The following FAIM2 variants were observed in gnomAD, a reference collection of about 807,000 sequenced individuals.
FAIM2 encodes Fas apoptotic inhibitory molecule 2, also known as protein lifeguard 2.
Under a neutral mutation model 47.4 loss-of-function variants are expected in FAIM2, and 27 were observed. The observed-to-expected ratio is 0.57, with a 90% CI of 0.42 to 0.78. The LOEUF (loss-of-function observed/expected upper bound fraction) is 0.78, where lower values mean the gene tolerates loss of function less well. FAIM2 is among the 30% of genes least tolerant of loss of function. The pLI is 0.00. For missense variants in FAIM2, 311 were observed against 389.4 expected, an observed-to-expected ratio of 0.80 and a Z score of 1.69; for synonymous variants, 156 against 159.3, an observed-to-expected ratio of 0.98 and a Z score of 0.16.
chr12:49,868,748 C>T lies in FAIM2; in HGVS notation c.*1756G>A, dbSNP rs1465039182. 2.0e-5 allele frequency: 3 copies of T among 152,224 alleles called. No homozygotes were observed. Among genetic ancestry groups the T allele is most frequent in the South Asian group, 2.1e-4 (1 of 4,830 alleles). 9.4% of individuals were successfully genotyped at this position (152,224 alleles called of 1,614,324 possible). On this transcript the variant is annotated 3_prime_UTR_variant, in exon 12 of 12. Coordinates refer to ENST00000320634, the MANE Select transcript of FAIM2 (RefSeq NM_012306.4). The stretch of plus-strand genomic sequence containing the variant: ...CCCTCTGCTACGGACATGAGCAGAG[C>T]GCTGTCTCTGGAGGATCACTGCGAT...
rs374845263 is a variant in FAIM2, at chr12:49,889,198, T to C, written c.656A>G (p.Asp219Gly). The C allele has an allele frequency of 6.2e-7, 1 of 1,609,552 alleles. No homozygotes were observed. Among genetic ancestry groups the C allele is most frequent in the Non-Finnish European group, 8.5e-7 (1 of 1,177,896 alleles). Residue 219 changes from aspartate to glycine, a missense_variant, in exon 10 of 12, where the codon GAC becomes GGC. Asp to Gly is a moderately conservative substitution (Grantham distance 94). Coordinates refer to ENST00000320634, the MANE Select transcript of FAIM2 (RefSeq NM_012306.4). ...GAGCACGCCCTGGCAGGAGGTGAAG[T>C]CGAACTGTGGGGACAGGATGGGGTT... is the stretch of plus-strand genomic sequence containing the variant. The part of the protein sequence containing the change: ...VTVFSFQTKF[D>G]FTSCQGVLFV...
chr12:49,889,965 A>G (rs567741750), intron 8 of FAIM2, 152 bp downstream of exon 8: 1 of 714,414 alleles, frequency 1.4e-6, no homozygotes, highest in East Asian at 2.6e-5. Context: ...GTGCTCAAGC[A>G]GAGGACCCTA....
chr12:49,885,199 G>A (rs1281353126), intron 11 of FAIM2, among the ~76,000 whole-genome samples: 1 of 152,144 alleles, frequency 6.6e-6, no homozygotes, highest in Non-Finnish European at 1.5e-5. Flanking sequence ...CAAATTTAAG[G>A]GATTACTGTT....
chr12:49,891,123 G>C lies in FAIM2; in HGVS notation c.435-9C>G, dbSNP rs1487550175. On this transcript the variant is annotated splice_polypyrimidine_tract_variant and intron_variant, in intron 5 of 11. Transcript: ENST00000320634. ...TTGCAAAGAACACAGCACTGTGAGA[G>C]ACAGATGGATAGGTGAGTCAGCCAG... The C allele has an allele frequency of 6.2e-7, 1 of 1,613,966 alleles. No individual in the cohort carries two copies. The highest frequency in any genetic ancestry group is 8.5e-7 in the Non-Finnish European group (1 of 1,179,846).
chr12:49,891,163 C>T, intron 5 of FAIM2, 49 bp from the exon 6 acceptor site: 2 of 1,567,594 alleles, frequency 1.3e-6, no homozygotes, highest in Non-Finnish European at 1.8e-6. Flanking sequence ...TCCTGGGTCC[C>T]TCCCCCAAGA....
At chr12:49,878,711 TATGC>T (rs1946767520) in intron 11 of FAIM2, among the ~76,000 whole-genome samples, 1 of 104,224 alleles carries the variant, frequency 9.6e-6, no homozygotes. Context: ...TGTGTGCATA[TATGC>T]GTGTGTGTCT....
At chr12:49,889,070 C>G (rs1390275428) in intron 10 of FAIM2, 37 bp downstream of exon 10, 2 of 1,518,072 alleles carry the variant, frequency 1.3e-6, no homozygotes, top group Non-Finnish European at 1.8e-6. Flanking sequence ...GGGCCCCTCC[C>G]TCCCCATGGG....
At chr12:49,873,223 G>A (rs1341575305) in intron 11 of FAIM2, among the ~76,000 whole-genome samples, 2 of 152,116 alleles carry the variant, frequency 1.3e-5, no homozygotes, top group East Asian at 3.9e-4. Context: ...CCATTGCTCA[G>A]TAGCCAAGTC....
intron 9 of FAIM2, 73 bp downstream of exon 9, chr12:49,889,408 G>T: frequency 7.1e-7 from 1 of 1,412,868 alleles, no homozygotes; most frequent in Non-Finnish European, 1.0e-6. Context: ...CGAGCTCTGA[G>T]GCCCCCACCC....
In FAIM2 at chr12:49,878,680, GTA is replaced by G. The variant is rs1242426266; in HGVS notation, c.802-8029_802-8028del. Among the ~76,000 whole-genome samples the G allele has an allele frequency of 3.1e-5, 4 of 130,662 alleles. 1 individual carries two copies. The highest frequency in any genetic ancestry group is 2.6e-4 in the Admixed American group (3 of 11,528). The allele number at this position is 130,662 out of a possible 152,430, so 85.7% of individuals were successfully genotyped here. On this transcript the variant is annotated intron_variant, in intron 11 of 11. Transcript: ENST00000320634. ...CTTGTATGTGCATGTGTGTATGTGT[GTA>G]TATGTGAGTGTATGTGCATGTGTGC...
intron 11 of FAIM2, among the ~76,000 whole-genome samples, 184 bp downstream of exon 11, chr12:49,887,202 C>T (rs1291722203): frequency 6.6e-6 from 1 of 152,136 alleles, no homozygotes; most frequent in Non-Finnish European, 1.5e-5. Context: ...CCGGTCTGTC[C>T]TGGAAACCAG....
At chr12:49,901,398 T>G in intron 1 of FAIM2, 73 bp from the exon 2 acceptor site, 1 of 1,200,266 alleles carries the variant, frequency 8.3e-7, no homozygotes. Context: ...CCTCACCAAC[T>G]CTTCAATTCC....
intron 4 of FAIM2, 102 bp downstream of exon 4, chr12:49,897,417 C>G (rs1946945537): frequency 1.8e-6 from 2 of 1,112,846 alleles, no homozygotes; most frequent in South Asian, 2.7e-5. Context: ...CCACAGGCAT[C>G]TCTCCAGGCA....
intron 6 of FAIM2, 86 bp downstream of exon 6, chr12:49,890,978 C>A: frequency 7.4e-7 from 1 of 1,357,386 alleles, no homozygotes. Flanking sequence ...GGCTGCACAG[C>A]TCACTGGTGG....
Position 49,878,104 on chromosome 12 carries a change from ATG to A in FAIM2, c.802-7453_802-7452del, listed in dbSNP as rs764524666. Among the ~76,000 whole-genome samples the A allele has an allele frequency of 3.4e-4, 40 of 119,274 alleles. 1 individual carries two copies. The highest frequency in any genetic ancestry group is 6.2e-4 in the Non-Finnish European group (36 of 58,096). The allele number at this position is 119,274 out of a possible 152,430, so 78.2% of individuals were successfully genotyped here. ...TGTGCATGTGAGTGCATGTGTGTGC[ATG>A]TGTGTATGTGGGTATGTGTGCATGT... On this transcript the variant is annotated intron_variant, in intron 11 of 11. Coordinates refer to ENST00000320634, the MANE Select transcript of FAIM2 (RefSeq NM_012306.4).
At chr12:49,880,140 ATG>A (rs1366098926) in intron 11 of FAIM2, among the ~76,000 whole-genome samples, 42 of 133,498 alleles carry the variant, frequency 3.1e-4, no homozygotes, top group African/African-American at 9.9e-4. Flanking sequence ...ATGTGTGTAT[ATG>A]TGAGTGTATG....
At chr12:49,902,600 G>A (rs1565621554) in intron 1 of FAIM2, among the ~76,000 whole-genome samples, 1 of 152,132 alleles carries the variant, frequency 6.6e-6, no homozygotes, top group Non-Finnish European at 1.5e-5. Context: ...TAAAGGGCCT[G>A]GTGGAGGCAG....
At chr12:49,886,240 C>T (rs1946860330) in intron 11 of FAIM2, among the ~76,000 whole-genome samples, 1 of 152,168 alleles carries the variant, frequency 6.6e-6, no homozygotes, top group Admixed American at 6.5e-5. Context: ...TGCGTGGGGC[C>T]CACCTGAGCA....
chr12:49,899,188 G>A (rs1344549730), intron 2 of FAIM2, among the ~76,000 whole-genome samples: 4 of 152,140 alleles, frequency 2.6e-5, no homozygotes, highest in Admixed American at 2.0e-4. Context: ...CCAGGTCTGC[G>A]AAATGAAAGC....
Sources: allele counts gnomAD v4.1 joint callset (sites outside exome capture counted in the v4.1 genomes callset), GRCh38; gene constraint gnomAD v4.1.1; transcripts MANE v1.5; gene names NCBI Gene and HGNC (gene_info 2026-07-23, HGNC 2026-07-21).